Variants in NUDC observed in about 807,000 individuals in gnomAD.
NUDC encodes nuclear distribution C, dynein complex regulator, also known as nuclear migration protein nudC.
In NUDC, 14 loss-of-function variants were observed where a neutral mutation model predicts 45.0. The ratio of observed to expected loss-of-function variants is 0.31; its 90% CI spans 0.21 to 0.49. The LOEUF is 0.49. Among genes scored for constraint, NUDC ranks in the 20% least tolerant of loss-of-function variants. The pLI, the probability that NUDC is intolerant of heterozygous loss-of-function variation, is 0.99. For synonymous variants in NUDC, 153 were observed against 156.7 expected (o/e 0.98, Z 0.17); for missense variants, 323 against 426.2 (o/e 0.76, Z 2.13).
At chr1:26,939,701 T>G (rs2082262165) in intron 2 of NUDC, among the ~76,000 whole-genome samples, 2 of 152,088 alleles carry the variant, frequency 1.3e-5, no homozygotes, top group Non-Finnish European at 2.9e-5. Context: ...GATTTTGAAG[T>G]ATGCATGGAA....
chr1:26,917,506 G>A (rs924322269), upstream of NUDC, among the ~76,000 whole-genome samples: 2 of 152,112 alleles, frequency 1.3e-5, no homozygotes, highest in Non-Finnish European at 2.9e-5. Context: ...AGGTTTCAGT[G>A]AGCTGAGATC....
Position 26,933,906 on chromosome 1 carries a change from C to A in NUDC, c.160-7551C>A, listed in dbSNP as rs547825544. Among the ~76,000 whole-genome samples the A allele has an allele frequency of 9.3e-4, 142 of 152,192 alleles. 1 individual carries two copies. Among genetic ancestry groups the A allele is most frequent in the South Asian group, 1.9e-3 (9 of 4,822 alleles). ...ACGGTGGCTCACGCCTGTAATCCCA[C>A]CACTTTGGGTGGCCAAGGTGGGCAG... On this transcript the variant is annotated intron_variant, in intron 2 of 8. Coordinates refer to ENST00000321265, the MANE Select transcript of NUDC (RefSeq NM_006600.4).
chr1:26,916,465 T>C (rs2082062286), intron 3 of NUDC, among the ~76,000 whole-genome samples: 1 of 152,040 alleles, frequency 6.6e-6, no homozygotes, highest in Non-Finnish European at 1.5e-5. Flanking sequence ...ATCAATGTGG[T>C]CAATGGGAAC....
chr1:26,902,514 G>A (rs1056675513), intron 2 of NUDC: 5 of 152,160 alleles, frequency 3.3e-5, no homozygotes, highest in Admixed American at 2.6e-4. Context: ...TATGGTCAGA[G>A]GGTCCTCCCT....
intron 2 of NUDC, among the ~76,000 whole-genome samples, chr1:26,907,470 G>A (rs1038528213): frequency 6.6e-6 from 1 of 152,178 alleles, no homozygotes; most frequent in African/African-American, 2.4e-5. Flanking sequence ...TACAAATGGA[G>A]GTTGAGAGAC....
intron 2 of NUDC, chr1:26,911,014 G>T (rs374339247): frequency 4.8e-6 from 2 of 413,416 alleles, no homozygotes; most frequent in African/African-American, 4.2e-5. Flanking sequence ...AATCCTGGTG[G>T]TCCAGCTAAA....
At chr1:26,943,613 T>C (rs1234248909) in intron 6 of NUDC, among the ~76,000 whole-genome samples, 10 of 152,200 alleles carry the variant, frequency 6.6e-5, no homozygotes, top group Admixed American at 2.0e-4. Context: ...GGTTTGTACA[T>C]GCATTCAATT....
chr1:26,930,396 C>A (rs998721882), intron 2 of NUDC, among the ~76,000 whole-genome samples: 2 of 152,200 alleles, frequency 1.3e-5, no homozygotes, highest in African/African-American at 4.8e-5. Context: ...TCTTGAATTT[C>A]TGATTCTGAT....
At position 26,921,775 on chromosome 1, in the gene NUDC, G is replaced by T; in HGVS notation, c.-74G>T. On this transcript the variant is annotated 5_prime_UTR_variant, in exon 1 of 9. Transcript: ENST00000321265. ...GCGGACGACTAGAGTCGTTGGGCCC[G>T]GCGCGACCCGCAGGAGCGTAGAGAG... 3.4e-6 allele frequency: 5 copies of T among 1,487,372 alleles called. No individual in the cohort carries two copies. The highest frequency in any genetic ancestry group is 4.6e-6 in the Non-Finnish European group (5 of 1,092,588). The allele number at this position is 1,487,372 out of a possible 1,614,324, so 92.1% of individuals were successfully genotyped here.
At chr1:26,912,181 C>A in intron 3 of NUDC, 2 of 1,480,524 alleles carry the variant, frequency 1.4e-6, no homozygotes, top group Admixed American at 2.0e-5. Flanking sequence ...CAGAGACACC[C>A]CTCTGCCTCC....
At chr1:26,921,586 TG>T, upstream of NUDC, 1 of 561,448 alleles carries the variant, frequency 1.8e-6, no homozygotes, top group Admixed American at 3.1e-5. Context: ...TACCGCTTCG[TG>T]GACGCGCTTG....
chr1:26,900,463 G>C (rs774940763), intron 1 of NUDC: 10 of 1,590,762 alleles, frequency 6.3e-6, no homozygotes, highest in Admixed American at 3.4e-5. Flanking sequence ...CACATGATCA[G>C]CTAGAACCAA....
rs2082113711 is a variant in NUDC at position 26,924,267 on chromosome 1, A to C, written c.159+101A>C. The C allele has an allele frequency of 6.0e-6, 6 of 1,004,172 alleles. No homozygotes were observed. In the South Asian group the frequency reaches 7.9e-5, roughly 13 times the overall value. The allele number at this position is 1,004,172 out of a possible 1,614,324, so 62.2% of individuals were successfully genotyped here. On this transcript the variant is annotated intron_variant, in intron 2 of 8. Coordinates refer to ENST00000321265, the MANE Select transcript of NUDC (RefSeq NM_006600.4). Reference sequence around the variant, plus strand: ...ATAATAGTAACTTTCAGCAGAAGCGAAATGCCAAAGGTGAGGAATTGGGGA... The same window carrying C: ...ATAATAGTAACTTTCAGCAGAAGCGCAATGCCAAAGGTGAGGAATTGGGGA...
At chr1:26,917,977 C>T (rs943924066), upstream of NUDC, among the ~76,000 whole-genome samples, 1 of 147,576 alleles carries the variant, frequency 6.8e-6, no homozygotes, top group South Asian at 2.2e-4. Flanking sequence ...AATGTGTACA[C>T]ACACACACAC....
chr1:26,909,542 G>A (rs1470038832), intron 2 of NUDC, among the ~76,000 whole-genome samples: 2 of 152,320 alleles, frequency 1.3e-5, no homozygotes, highest in East Asian at 1.9e-4. Context: ...GCCGGAGAAG[G>A]AGAAGGGTAA....
chr1:26,921,579 C>T (rs908876209), upstream of NUDC: 1 of 557,228 alleles, frequency 1.8e-6, no homozygotes, highest in East Asian at 3.1e-5. Context: ...CTCCGCCTAC[C>T]GCTTCGTGGA....
chr1:26,937,541 C>G (rs2082245075), intron 2 of NUDC, among the ~76,000 whole-genome samples: 2 of 152,056 alleles, frequency 1.3e-5, no homozygotes, highest in Non-Finnish European at 2.9e-5. Context: ...CTCGGCCTTT[C>G]CAAAGTGCTG....
intron 2 of NUDC, among the ~76,000 whole-genome samples, chr1:26,935,555 C>A (rs758424094): frequency 6.6e-6 from 1 of 152,002 alleles, no homozygotes; most frequent in Non-Finnish European, 1.5e-5. Context: ...TGATAACTCA[C>A]TATCAAGAAA....
intron 2 of NUDC, among the ~76,000 whole-genome samples, chr1:26,925,025 C>T (rs2082119765): frequency 6.6e-6 from 1 of 150,954 alleles, no homozygotes; most frequent in Admixed American, 6.6e-5. Context: ...GGATTACAGG[C>T]AGGCGCCACC....
Sources: gnomAD v4.1 joint callset for allele counts (sites outside exome capture counted in the v4.1 genomes callset) on GRCh38, gnomAD v4.1.1 for gene constraint, MANE v1.5 for transcripts, NCBI Gene and HGNC (gene_info 2026-07-23, HGNC 2026-07-21) for gene names.